The following TMEM150B variants were observed in gnomAD, a reference collection of about 807,000 sequenced individuals.
TMEM150B encodes modulator of macroautophagy TMEM150B.
TMEM150B carries 33 observed loss-of-function variants against 25.2 expected under a neutral mutation model. That is an observed-to-expected ratio of 1.31 (90% confidence interval 0.99 to 1.75). The LOEUF (loss-of-function observed/expected upper bound fraction) is 1.75, where lower values mean the gene tolerates loss of function less well. TMEM150B is among the 40% of genes most tolerant of loss of function. The pLI is 0.00. For missense variants in TMEM150B, 322 were observed against 306.1 expected (o/e 1.05, Z -0.39); for synonymous variants, 133 against 134.8 (o/e 0.99, Z 0.09).
chr19:55,310,520 T>G (rs933687655), downstream of TMEM150B, among the ~76,000 whole-genome samples: 4 of 152,194 alleles, frequency 2.6e-5, no homozygotes, highest in Non-Finnish European at 5.9e-5. This position sits in a 1 kb window ranked among gnomAD's most constrained non-coding sequence, Gnocchi z 5.0. Context: ...TGGACATCTT[T>G]GGAGGGGGCC....
chr19:55,314,524 G>A (rs941644874), intron 7 of TMEM150B, among the ~76,000 whole-genome samples: 17 of 152,106 alleles, frequency 1.1e-4, no homozygotes, highest in African/African-American at 2.7e-4. Flanking sequence ...CTCAGAATCC[G>A]GCCAGGCTCA....
At chr19:55,322,545 G>A (rs969784701) in intron 2 of TMEM150B, 103 bp downstream of exon 2, 12 of 394,726 alleles carry the variant, frequency 3.0e-5, no homozygotes, top group African/African-American at 2.0e-4. Context: ...CTGTTTCAGT[G>A]TTCAGTCCTA....
chr19:55,311,803 C>T (rs1229742672), downstream of TMEM150B: 6 of 1,182,548 alleles, frequency 5.1e-6, no homozygotes, highest in South Asian at 1.5e-5. Flanking sequence ...GCTAGAGCCT[C>T]GGGGTTACTG....
At chr19:55,313,466 C>T (rs576143899) in intron 7 of TMEM150B, among the ~76,000 whole-genome samples, 6 of 152,292 alleles carry the variant, frequency 3.9e-5, no homozygotes, top group African/African-American at 1.4e-4. Context: ...TTGCAACTTT[C>T]TCCTGAACAT....
intron 7 of TMEM150B, among the ~76,000 whole-genome samples, chr19:55,315,334 GATA>G (rs749847012): frequency 3.5e-4 from 52 of 148,456 alleles, no homozygotes; most frequent in Middle Eastern, 4.0e-3. Flanking sequence ...ATAATAACAA[GATA>G]ATAATAATAA....
downstream of TMEM150B, among the ~76,000 whole-genome samples, chr19:55,311,267 A>G (rs897094590): frequency 6.6e-6 from 1 of 152,078 alleles, no homozygotes; most frequent in Non-Finnish European, 1.5e-5. Context: ...CGGCCCACTC[A>G]GTTTCTCTTA....
At chr19:55,323,538 TGTCACCCA>T (rs1463507925) in intron 1 of TMEM150B, among the ~76,000 whole-genome samples, 5 of 151,446 alleles carry the variant, frequency 3.3e-5, no homozygotes. Flanking sequence ...AGTCTCCCTC[TGTCACCCA>T]GATTGGAGTG....
chr19:55,317,212 G>A (rs142712220), intron 6 of TMEM150B, among the ~76,000 whole-genome samples: 1 of 152,332 alleles, frequency 6.6e-6, no homozygotes, highest in African/African-American at 2.4e-5. Context: ...CAGTAAATAT[G>A]AGTGGGATAA....
intron 6 of TMEM150B, 66 bp downstream of exon 6, chr19:55,319,973 G>C: frequency 6.2e-7 from 1 of 1,610,070 alleles, no homozygotes; most frequent in Middle Eastern, 1.7e-4. Flanking sequence ...ATGGCCACGG[G>C]GCATGCTGGG....
intron 2 of TMEM150B, among the ~76,000 whole-genome samples, chr19:55,321,385 T>C (rs910730848): frequency 1.3e-5 from 2 of 151,794 alleles, no homozygotes; most frequent in Non-Finnish European, 2.9e-5. Flanking sequence ...CCAAGATCCC[T>C]GGGGCTCTCA....
chr19:55,320,724 C>A, intron 3 of TMEM150B, 107 bp from the exon 4 acceptor site: 1 of 1,388,436 alleles, frequency 7.2e-7, no homozygotes. Flanking sequence ...ACCAGGAGTC[C>A]AGGCCCCCAG....
At chr19:55,314,090 C>T (rs1207457450) in intron 7 of TMEM150B, among the ~76,000 whole-genome samples, 3 of 152,108 alleles carry the variant, frequency 2.0e-5, no homozygotes, top group Non-Finnish European at 4.4e-5. Context: ...GGCGTGATCT[C>T]GGCTCACTGC....
downstream of TMEM150B, among the ~76,000 whole-genome samples, chr19:55,309,620 G>A (rs1255362084): frequency 2.0e-5 from 3 of 152,118 alleles, no homozygotes; most frequent in African/African-American, 7.2e-5. Flanking sequence ...CTTTCCTAAG[G>A]ACACTAATCC....
rs1465412628 is a variant in TMEM150B at position 55,320,587 on chromosome 19, C to T, written c.99G>A (p.Val33=). 3.7e-6 allele frequency: 6 copies of T among 1,613,752 alleles called. No homozygotes were observed. The highest frequency in any genetic ancestry group is 5.1e-6 in the Non-Finnish European group (6 of 1,179,944). The change falls in exon 4 of 8, where the codon GTG becomes GTA. Residue 33 remains valine, a synonymous_variant. Transcript: ENST00000326652. ...TGTAGGGAAAGCCTTTACTGAGGTC[C>T]ACAGTCCTGTTGGTCACTGCAATGG... ...VFAIAVTNRT[V]DLSKGFPYIS...
Position 55,312,930 on chromosome 19 carries a change from G to C in TMEM150B, c.631C>G (p.Leu211Val). Residue 211 changes from leucine (L) to valine (V), a missense_variant, in exon 8 of 8, where the codon CTG (leucine) becomes GTG (valine). Leu to Val is a conservative substitution (Grantham distance 32). Transcript: ENST00000326652. ...VDFSALESCTLCVQPWPSLSP... is the reference protein window; with the variant it reads ...VDFSALESCTVCVQPWPSLSP... ...AGGCTGGGCCACGGCTGAACACACA[G>C]GGTGCAGCTCTCCAGGGCGGAGAAG... 6.2e-7 allele frequency: 1 copy of C among 1,611,778 alleles called. No homozygotes were observed. Among genetic ancestry groups the C allele is most frequent in the Non-Finnish European group, 8.5e-7 (1 of 1,179,260 alleles).
intron 6 of TMEM150B, 45 bp from the exon 7 acceptor site, chr19:55,317,011 G>A: frequency 6.4e-7 from 1 of 1,556,190 alleles, no homozygotes; most frequent in African/African-American, 1.4e-5. Flanking sequence ...CTGGGAAGGA[G>A]GGTAAGGGGC....
rs1349428144 is a variant in TMEM150B, at chr19:55,320,167, C to G, written c.197-1G>C. ...TAACGGACAATGCAGATCCACGCGGCTGGGAGTAGAGGGGAGAAGGAAGTG... is the reference window on the plus strand; with the variant it reads ...TAACGGACAATGCAGATCCACGCGGGTGGGAGTAGAGGGGAGAAGGAAGTG... On this transcript the variant is annotated splice_acceptor_variant, in intron 5 of 7. Coordinates refer to ENST00000326652, the MANE Select transcript of TMEM150B (RefSeq NM_001282011.2). LOFTEE classifies it high-confidence loss of function. 1 of 1,613,788 alleles carries G rather than the reference C, an allele frequency of 6.2e-7. No individual in the cohort carries two copies. Among genetic ancestry groups the G allele is most frequent in the Non-Finnish European group, 8.5e-7 (1 of 1,179,880 alleles).
chr19:55,320,130 C>T lies in TMEM150B; in HGVS notation c.233G>A (p.Arg78Gln). 2 of 1,614,114 alleles carry T rather than the reference C, an allele frequency of 1.2e-6. No individual in the cohort carries two copies. The highest frequency in any genetic ancestry group is 1.7e-6 in the Non-Finnish European group (2 of 1,180,014). Reference sequence around the variant, plus strand: ...AGGCCACCTTCTGACGCCCCAGTCCCGGAGCTGGTGGTAACGGACAATGCA... The same window carrying T: ...AGGCCACCTTCTGACGCCCCAGTCCTGGAGCTGGTGGTAACGGACAATGCA... ...WICIVRYHQL[R>Q]DWGVRRWPNQ... The change falls in exon 6 of 8, where the codon CGG (arginine) becomes CAG (glutamine). Residue 78 changes from arginine to glutamine, a missense_variant. Arg to Gln is a conservative substitution (Grantham distance 43). Coordinates refer to ENST00000326652, the MANE Select transcript of TMEM150B (RefSeq NM_001282011.2).
chr19:55,319,851 T>C (rs1035763365), intron 6 of TMEM150B, 188 bp downstream of exon 6: 8 of 1,424,292 alleles, frequency 5.6e-6, no homozygotes, highest in Non-Finnish European at 9.2e-7. Context: ...GCCTCGCTCG[T>C]AGTGCCCCAC....
Sources: gnomAD v4.1 joint callset for allele counts (sites outside exome capture counted in the v4.1 genomes callset) on GRCh38, gnomAD v4.1.1 for gene constraint, Gnocchi (gnomAD v3.1) non-coding constraint, MANE v1.5 for transcripts, NCBI Gene and HGNC (gene_info 2026-07-23, HGNC 2026-07-21) for gene names.